The following LAMP3 variants were observed in gnomAD, a reference collection of about 807,000 sequenced individuals.
The protein encoded by LAMP3 is lysosome associated membrane protein 3.
Under a neutral mutation model 34.8 loss-of-function variants are expected in LAMP3, and 26 were observed. That is an observed-to-expected ratio of 0.75 (90% CI 0.55 to 1.04). The LOEUF (loss-of-function observed/expected upper bound fraction) is 1.04, where lower values mean the gene tolerates loss of function less well. LAMP3 is among the 50% of genes least tolerant of loss of function. The pLI is 0.00. For synonymous variants in LAMP3, 180 were observed against 201.9 expected, an observed-to-expected ratio of 0.89 and a Z score of 0.92; for missense variants, 495 against 524.0, an observed-to-expected ratio of 0.94 and a Z score of 0.54.
intron 1 of LAMP3, among the ~76,000 whole-genome samples, chr3:183,156,141 C>T (rs914211842): frequency 1.3e-5 from 2 of 152,156 alleles, no homozygotes; most frequent in African/African-American, 4.8e-5. Context: ...GGGCAGATCA[C>T]CTGAGGTCAG....
intron 3 of LAMP3, among the ~76,000 whole-genome samples, chr3:183,149,694 G>A (rs2108608872): frequency 6.9e-6 from 1 of 145,682 alleles, no homozygotes; most frequent in East Asian, 2.0e-4. Flanking sequence ...ATAATTTATT[G>A]TACATTTTAA....
intron 5 of LAMP3, among the ~76,000 whole-genome samples, chr3:183,133,329 A>G (rs190065840): frequency 2.2e-3 from 337 of 152,302 alleles, no homozygotes; most frequent in Non-Finnish European, 2.9e-3. Flanking sequence ...CTCTCAAACT[A>G]GAGTAATTCC....
chr3:183,146,803 C>T (rs1720456458), intron 3 of LAMP3, among the ~76,000 whole-genome samples: 1 of 151,584 alleles, frequency 6.6e-6, no homozygotes, highest in African/African-American at 2.4e-5. Context: ...GCTGGGATTA[C>T]AGGTGTGAGC....
At chr3:183,162,847 G>A, upstream of LAMP3, 1 of 542,766 alleles carries the variant, frequency 1.8e-6, no homozygotes, top group Non-Finnish European at 3.1e-6. Context: ...GAGCAGGGAG[G>A]GGCGGGGACT....
chr3:183,160,614 C>G (rs1720949023), intron 1 of LAMP3, among the ~76,000 whole-genome samples: 1 of 152,214 alleles, frequency 6.6e-6, no homozygotes, highest in African/African-American at 2.4e-5. Flanking sequence ...GCCTCTGCCT[C>G]AGTACCGCCA....
rs562219227 is a variant in LAMP3, at chr3:183,161,461, G to C, written c.49+1146C>G. Among the ~76,000 whole-genome samples the C allele has an allele frequency of 4.6e-5, 7 of 152,070 alleles. No individual in the cohort carries two copies. The East Asian group carries it at 1.4e-3, about 29-fold the overall frequency. On this transcript the variant is annotated intron_variant, in intron 1 of 5. Coordinates refer to ENST00000265598, the MANE Select transcript of LAMP3 (RefSeq NM_014398.4). The stretch of plus-strand genomic sequence containing the variant: ...GTTGGAGTGCAGTGGCATGATCTTG[G>C]CTTACTGCAACCTCCGCCTCTTGGG...
At chr3:183,139,690 G>A (rs1356067019) in intron 4 of LAMP3, among the ~76,000 whole-genome samples, 2 of 152,180 alleles carry the variant, frequency 1.3e-5, no homozygotes, top group Non-Finnish European at 2.9e-5. Flanking sequence ...TAATTGTACT[G>A]TACTCACCTG....
intron 1 of LAMP3, chr3:183,158,159 G>T (rs1720874766): frequency 6.6e-6 from 1 of 152,250 alleles, no homozygotes; most frequent in Non-Finnish European, 1.5e-5. Context: ...AGATAGGCAG[G>T]TGATTCAACT....
At chr3:183,128,730 T>C (rs1264466529) in intron 5 of LAMP3, among the ~76,000 whole-genome samples, 2 of 152,080 alleles carry the variant, frequency 1.3e-5, no homozygotes, top group Non-Finnish European at 2.9e-5. Context: ...TTTGTAGAGA[T>C]GGGGTTTCGC....
At chr3:183,130,994 T>C (rs1380578247) in intron 5 of LAMP3, among the ~76,000 whole-genome samples, 3 of 152,172 alleles carry the variant, frequency 2.0e-5, no homozygotes, top group African/African-American at 7.2e-5. Context: ...ACCTGGAAAG[T>C]GGGCAGGACT....
In LAMP3 at chr3:183,154,388, A is replaced by G. The variant is rs772734980; in HGVS notation, c.53T>C (p.Ile18Thr). Residue 18 changes from isoleucine (I) to threonine (T), a missense_variant, in exon 2 of 6, where the codon ATT becomes ACT. Transcript: ENST00000265598. Reference sequence around the variant, plus strand: ...TCTCATTTGACTGCCATCGTGCAAAATTACTGAAAATTAGGAAATAAAAGT... The same window carrying G: ...TCTCATTTGACTGCCATCGTGCAAAGTTACTGAAAATTAGGAAATAAAAGT... ...AAALFASLAV[I>T]LHDGSQMRAK... 2 of 1,588,874 alleles carry G rather than the reference A, an allele frequency of 1.3e-6. No homozygotes were observed. The highest frequency in any genetic ancestry group is 2.3e-5 in the South Asian group (2 of 86,940).
At chr3:183,130,232 C>T (rs955713945) in intron 5 of LAMP3, among the ~76,000 whole-genome samples, 2 of 141,946 alleles carry the variant, frequency 1.4e-5, no homozygotes, top group Non-Finnish European at 3.0e-5. Flanking sequence ...CATCTTGGCT[C>T]ACTGCAAGCT....
intron 5 of LAMP3, among the ~76,000 whole-genome samples, chr3:183,124,704 T>C (rs1273715668): frequency 1.3e-5 from 2 of 152,036 alleles, no homozygotes; most frequent in Admixed American, 6.5e-5. Context: ...TGGTGGCACA[T>C]GCCTGTAATC....
Position 183,123,385 on chromosome 3 carries a change from C to CA in LAMP3, c.*695_*696insT, listed in dbSNP as rs1719711701. On this transcript the variant is annotated 3_prime_UTR_variant, in exon 6 of 6. Transcript: ENST00000265598. Reference sequence around the variant, plus strand: ...ACCAGTCTGGCCAACATGGTGAAACCCCGTCTATAATAAAAATACAAAAAT... The same window carrying CA: ...ACCAGTCTGGCCAACATGGTGAAACCACCGTCTATAATAAAAATACAAAAAT... 1.3e-5 allele frequency: 2 copies of CA among 152,268 alleles called. No homozygotes were observed. The highest frequency in any genetic ancestry group is 1.3e-4 in the Admixed American group (2 of 15,278). 9.4% of individuals were successfully genotyped at this position (152,268 alleles called of 1,614,324 possible).
At chr3:183,143,491 CAG>C (rs1421893698) in intron 3 of LAMP3, among the ~76,000 whole-genome samples, 3 of 152,074 alleles carry the variant, frequency 2.0e-5, no homozygotes, top group Non-Finnish European at 4.4e-5. Flanking sequence ...AACAAAAGGA[CAG>C]GGGGATATTT....
intron 2 of LAMP3, among the ~76,000 whole-genome samples, chr3:183,152,972 C>T (rs1345139297): frequency 2.6e-5 from 4 of 151,940 alleles, no homozygotes; most frequent in Admixed American, 6.6e-5. Context: ...GTCAGGAGTT[C>T]GAGACCAGCC....
chr3:183,138,625 G>A (rs193081617), intron 4 of LAMP3, among the ~76,000 whole-genome samples: 18 of 152,232 alleles, frequency 1.2e-4, no homozygotes, highest in Middle Eastern at 3.4e-3. Flanking sequence ...GAATACTGTA[G>A]GAGTTCTCTG....
In LAMP3 at chr3:183,122,342, C is replaced by A. The variant is rs1719690982; in HGVS notation, c.*1739G>T. On this transcript the variant is annotated 3_prime_UTR_variant, in exon 6 of 6. Transcript: ENST00000265598. ...GAGGAAAGTCAACATGGTCTCTAGG[C>A]TGACTTGAATTATTCCTTGACTAAG... 6.6e-6 allele frequency: 1 copy of A among 152,168 alleles called. No individual in the cohort carries two copies. The highest frequency in any genetic ancestry group is 1.5e-5 in the Non-Finnish European group (1 of 68,026). The allele number at this position is 152,168 out of a possible 1,614,324, so 9.4% of individuals were successfully genotyped here. A position where few individuals can be genotyped will look rare whatever the true frequency, so the allele number is the denominator to read the frequency against.
rs1387216741 is a variant in LAMP3, at chr3:183,123,743, A to G, written c.*338T>C. On this transcript the variant is annotated 3_prime_UTR_variant, in exon 6 of 6. Coordinates refer to ENST00000265598, the MANE Select transcript of LAMP3 (RefSeq NM_014398.4). Reference sequence around the variant, plus strand: ...CAATGCACACACAGTAGTATTAGTTACAATTGACCCTTGGTTTATAATTTG... The same window carrying G: ...CAATGCACACACAGTAGTATTAGTTGCAATTGACCCTTGGTTTATAATTTG... 4.2e-5 allele frequency: 11 copies of G among 262,274 alleles called. No homozygotes were observed. Among genetic ancestry groups the G allele is most frequent in the Non-Finnish European group, 6.6e-5 (9 of 135,558 alleles). The allele number at this position is 262,274 out of a possible 1,614,324, so 16.2% of individuals were successfully genotyped here.
Sources: gnomAD v4.1 joint callset for allele counts (sites outside exome capture counted in the v4.1 genomes callset) on GRCh38, gnomAD v4.1.1 for gene constraint, MANE v1.5 for transcripts, NCBI Gene and HGNC (gene_info 2026-07-23, HGNC 2026-07-21) for gene names.